The following HNRNPLL variants were observed in gnomAD, a reference collection of about 807,000 sequenced individuals.
HNRNPLL encodes the protein heterogeneous nuclear ribonucleoprotein L-like.
A neutral mutation model predicts 67.1 loss-of-function variants in HNRNPLL; 25 were observed. The observed-to-expected ratio is 0.37, with a 90% CI of 0.27 to 0.52. The LOEUF (loss-of-function observed/expected upper bound fraction) is 0.52, where lower values mean the gene tolerates loss of function less well. Ranked by LOEUF, HNRNPLL falls within the 20% of genes least tolerant of loss-of-function variation. HNRNPLL has a pLI of 0.90. For synonymous variants in HNRNPLL, 267 were observed against 241.7 expected (o/e 1.10, Z -0.97); for missense variants, 542 against 673.9 (o/e 0.80, Z 2.17).
intron 3 of HNRNPLL, 90 bp downstream of exon 3, chr2:38,585,554 T>C (rs924769999): frequency 2.6e-6 from 2 of 756,284 alleles, no homozygotes; most frequent in African/African-American, 3.5e-5. Flanking sequence ...TTCTAGTATC[T>C]AGATGGCAAT....
At chr2:38,595,696 T>C (rs1172897815) in intron 1 of HNRNPLL, among the ~76,000 whole-genome samples, 2 of 151,972 alleles carry the variant, frequency 1.3e-5, no homozygotes, top group Non-Finnish European at 2.9e-5. Flanking sequence ...ATACAAAAAT[T>C]AGCCGGGCGT....
chr2:38,595,863 T>C (rs1298813816), intron 1 of HNRNPLL, among the ~76,000 whole-genome samples: 4 of 152,058 alleles, frequency 2.6e-5, no homozygotes, highest in Non-Finnish European at 4.4e-5. Context: ...GGGTGGACAA[T>C]GTTAAATATA....
At chr2:38,564,302 C>T in intron 12 of HNRNPLL, 65 bp from the exon 13 acceptor site, 1 of 850,852 alleles carries the variant, frequency 1.2e-6, no homozygotes, top group South Asian at 1.4e-5. Flanking sequence ...CTTGAAGTAT[C>T]AGAGTAAATT....
intron 8 of HNRNPLL, among the ~76,000 whole-genome samples, chr2:38,570,351 G>A (rs987960082): frequency 6.6e-6 from 1 of 152,216 alleles, no homozygotes; most frequent in South Asian, 2.1e-4. Context: ...AATGTTAACA[G>A]ACATTATCTT....
chr2:38,582,207 T>C (rs761608022), intron 4 of HNRNPLL, 39 bp from the exon 5 acceptor site: 1 of 1,309,212 alleles, frequency 7.6e-7, no homozygotes, highest in Non-Finnish European at 1.1e-6. Flanking sequence ...AGGTATCTGA[T>C]ACTTAATCAT....
chr2:38,596,787 T>A (rs942937523), intron 1 of HNRNPLL, among the ~76,000 whole-genome samples: 42 of 152,168 alleles, frequency 2.8e-4, no homozygotes, highest in African/African-American at 9.4e-4. Flanking sequence ...TCTCTTTCTG[T>A]ATCTATTGCT....
At chr2:38,598,075 C>T (rs1033938727) in intron 1 of HNRNPLL, among the ~76,000 whole-genome samples, 1 of 151,630 alleles carries the variant, frequency 6.6e-6, no homozygotes, top group African/African-American at 2.4e-5. Context: ...GAATTCCTTA[C>T]CCGTTCTGTT....
In HNRNPLL at chr2:38,602,584, C is replaced by A; in HGVS notation, c.43G>T (p.Asp15Tyr). The A allele has an allele frequency of 3.8e-6, 6 of 1,573,706 alleles. No homozygotes were observed. Among genetic ancestry groups the A allele is most frequent in the Admixed American group, 1.8e-5 (1 of 54,078 alleles). ...SSSPRETYEEDREYESQAKRL... is the reference protein window; with the variant it reads ...SSSPRETYEEYREYESQAKRL... Reference sequence around the variant, plus strand: ...TTGGCCTGGCTCTCGTACTCCCGGTCCTCCTCGTACGTCTCCCTGGGGGAG... The same window carrying A: ...TTGGCCTGGCTCTCGTACTCCCGGTACTCCTCGTACGTCTCCCTGGGGGAG... The change falls in exon 1 of 13, where the codon GAC becomes TAC. Residue 15 changes from aspartate (D) to tyrosine (Y), a missense_variant. Transcript: ENST00000449105.
rs1665973656 is a variant in HNRNPLL, at chr2:38,569,071, TAAAAC to T, written c.1416+57_1416+61del. On this transcript the variant is annotated intron_variant, in intron 10 of 12. Coordinates refer to ENST00000449105, the MANE Select transcript of HNRNPLL (RefSeq NM_138394.4). The stretch of plus-strand genomic sequence containing the variant: ...GAGCAAAACGACTTCAAAATGAAGC[TAAAAC>T]AGATTTTAAAATAGGAAATAGCAAC... 3 of 1,213,426 alleles carry T rather than the reference TAAAAC, an allele frequency of 2.5e-6. No homozygotes were observed. In the South Asian group the frequency reaches 3.7e-5, roughly 15 times the overall value. 75.2% of individuals were successfully genotyped at this position (1,213,426 alleles called of 1,614,324 possible). A position where few individuals can be genotyped will look rare whatever the true frequency, so the allele number is the denominator to read the frequency against.
intron 1 of HNRNPLL, among the ~76,000 whole-genome samples, chr2:38,596,091 G>C: frequency 6.7e-6 from 1 of 150,312 alleles, no homozygotes; most frequent in East Asian, 1.9e-4. Flanking sequence ...ACCTATGGCT[G>C]TTTCCAAATA....
intron 1 of HNRNPLL, among the ~76,000 whole-genome samples, chr2:38,600,459 G>A (rs1478369153): frequency 1.3e-5 from 2 of 152,082 alleles, no homozygotes; most frequent in Non-Finnish European, 2.9e-5. Context: ...AGGTGCGGTG[G>A]CTCACGGCTG....
chr2:38,568,163 T>C (rs1665943872), intron 12 of HNRNPLL, 36 bp downstream of exon 12: 2 of 1,296,316 alleles, frequency 1.5e-6, no homozygotes, highest in African/African-American at 1.5e-5. Flanking sequence ...TAACTGCCAC[T>C]ACATAATTAC....
At chr2:38,577,928 T>C (rs755859782) in intron 6 of HNRNPLL, 11 of 472,322 alleles carry the variant, frequency 2.3e-5, no homozygotes, top group South Asian at 1.5e-4. Context: ...ACCTGAATCA[T>C]ACTATTAGCT....
At chr2:38,596,192 C>G (rs1422810732) in intron 1 of HNRNPLL, among the ~76,000 whole-genome samples, 3 of 152,160 alleles carry the variant, frequency 2.0e-5, no homozygotes, top group African/African-American at 7.2e-5. Flanking sequence ...CCCCAAAATA[C>G]TCATACTGTT....
rs1300935212 is a variant in HNRNPLL at position 38,595,174 on chromosome 2, G to A, written c.190-3526C>T. Among the ~76,000 whole-genome samples, 4 of 149,722 alleles carry A rather than the reference G, an allele frequency of 2.7e-5. No individual in the cohort carries two copies. The East Asian group carries it at 5.9e-4, about 22-fold the overall frequency. On this transcript the variant is annotated intron_variant, in intron 1 of 12. Transcript: ENST00000449105. ...GTACGCCTGTAGTCCCAGCTACTCA[G>A]GAGGCTGAGGTGGAAGGACTGCTTG...
intron 1 of HNRNPLL, among the ~76,000 whole-genome samples, chr2:38,592,308 T>C (rs1238077730): frequency 6.6e-6 from 1 of 152,202 alleles, no homozygotes; most frequent in African/African-American, 2.4e-5. Flanking sequence ...TCTCAACTAG[T>C]ACAAATGAAC....
rs1283080626 is a variant in HNRNPLL at position 38,586,852 on chromosome 2, CA to C, written c.309-972del. Reference sequence around the variant, plus strand: ...ACAAACGAAGCAGCCAAAAAAACCCCAAAATATAATACAGTACGTTCTTTTT... The same window carrying C: ...ACAAACGAAGCAGCCAAAAAAACCCCAAATATAATACAGTACGTTCTTTTT... On this transcript the variant is annotated intron_variant, in intron 2 of 12. Transcript: ENST00000449105. 2.0e-5 allele frequency among the ~76,000 whole-genome samples: 3 copies of C among 151,942 alleles called. No individual in the cohort carries two copies. The East Asian group carries it at 5.8e-4, about 29-fold the overall frequency.
intron 12 of HNRNPLL, among the ~76,000 whole-genome samples, chr2:38,566,604 A>G (rs969454765): frequency 2.0e-5 from 3 of 151,960 alleles, no homozygotes; most frequent in African/African-American, 7.2e-5. Context: ...CAACCTTTAT[A>G]AAGTACAATC....
chr2:38,581,638 G>A (rs1283239177), intron 6 of HNRNPLL: 3 of 508,718 alleles, frequency 5.9e-6, no homozygotes, highest in East Asian at 3.1e-5. Flanking sequence ...TCCAAAGAGA[G>A]AGAGCTGCTT....
Sources: allele counts gnomAD v4.1 joint callset (sites outside exome capture counted in the v4.1 genomes callset), GRCh38; gene constraint gnomAD v4.1.1; transcripts MANE v1.5; gene names NCBI Gene and HGNC (gene_info 2026-07-23, HGNC 2026-07-21).